PON3: variants seen among roughly 807,000 people sequenced by gnomAD.
PON3 encodes the protein paraoxonase 3.
PON3 carries 37 observed loss-of-function variants against 36.3 expected under a neutral mutation model. The ratio of observed to expected loss-of-function variants is 1.02; its 90% CI spans 0.78 to 1.34. The LOEUF (loss-of-function observed/expected upper bound fraction) is 1.34. PON3 is among the 40% of genes most tolerant of loss of function. The pLI, the probability that PON3 is intolerant of heterozygous loss-of-function variation, is 0.00. For synonymous variants in PON3, 155 were observed against 154.8 expected, an observed-to-expected ratio of 1.00 and a Z score of -0.01; for missense variants, 415 against 426.5, an observed-to-expected ratio of 0.97 and a Z score of 0.24.
At chr7:95,385,964 G>A (rs1161235709) in intron 3 of PON3, among the ~76,000 whole-genome samples, 1 of 152,164 alleles carries the variant, frequency 6.6e-6, no homozygotes, top group Non-Finnish European at 1.5e-5. Flanking sequence ...GAGGAAGCAG[G>A]AAAGATCTAA....
chr7:95,371,111 T>C (rs1043109950), intron 4 of PON3, among the ~76,000 whole-genome samples: 3 of 152,218 alleles, frequency 2.0e-5, no homozygotes, highest in African/African-American at 7.2e-5. Context: ...ATCCATATTA[T>C]AGCATGCATG....
intron 5 of PON3, among the ~76,000 whole-genome samples, chr7:95,366,851 T>A (rs17885614): frequency 0.028 from 4,254 of 152,368 alleles, 113 homozygotes; most frequent in African/African-American, 0.068. Flanking sequence ...AAATTAAGTA[T>A]TCTGGCATAG....
chr7:95,376,935 G>A (rs904342683), intron 3 of PON3, among the ~76,000 whole-genome samples: 1 of 152,194 alleles, frequency 6.6e-6, no homozygotes, highest in African/African-American at 2.4e-5. Flanking sequence ...AGCCAAAGTG[G>A]GGCAGGGCGT....
chr7:95,366,367 T>A (rs770639378), intron 5 of PON3, among the ~76,000 whole-genome samples: 1 of 152,218 alleles, frequency 6.6e-6, no homozygotes, highest in Non-Finnish European at 1.5e-5. Context: ...CAGAACCCCA[T>A]ACGGTGCATT....
At chr7:95,377,874 C>A (rs940330484) in intron 3 of PON3, among the ~76,000 whole-genome samples, 4 of 152,004 alleles carry the variant, frequency 2.6e-5, no homozygotes, top group Admixed American at 6.6e-5. Context: ...CAGCTCCTTG[C>A]CAGCAAAGAA....
At chr7:95,382,370 G>A (rs557838010) in intron 3 of PON3, among the ~76,000 whole-genome samples, 1 of 151,898 alleles carries the variant, frequency 6.6e-6, no homozygotes, top group Admixed American at 6.6e-5. Flanking sequence ...AACTGAAGGA[G>A]ATAGAGACAC....
In PON3 at chr7:95,384,977, G is replaced by C. The variant is rs569195676; in HGVS notation, c.201+5177C>G. On this transcript the variant is annotated intron_variant, in intron 3 of 8. Coordinates refer to ENST00000265627, the MANE Select transcript of PON3 (RefSeq NM_000940.3). ...CCAAATGTCCAACAATGATAGACTGGATTAAGAAAATGTGGCACATATACA... is the reference window on the plus strand; with the variant it reads ...CCAAATGTCCAACAATGATAGACTGCATTAAGAAAATGTGGCACATATACA... 1.3e-3 allele frequency among the ~76,000 whole-genome samples: 195 copies of C among 152,270 alleles called. 2 individuals are homozygous for C. The highest frequency in any genetic ancestry group is 4.4e-3 in the African/African-American group (182 of 41,558).
At chr7:95,389,616 G>T (rs912369017) in intron 3 of PON3, among the ~76,000 whole-genome samples, 8 of 152,142 alleles carry the variant, frequency 5.3e-5, no homozygotes, top group Admixed American at 1.3e-4. Context: ...ACAGTACTGG[G>T]AATTAAAATG....
intron 2 of PON3, among the ~76,000 whole-genome samples, chr7:95,393,980 G>A (rs1585736591): frequency 6.6e-6 from 1 of 152,038 alleles, no homozygotes; most frequent in Admixed American, 6.5e-5. Flanking sequence ...TGCAACCTCC[G>A]ATGACTCCCT....
At chr7:95,379,981 G>A (rs1440356350) in intron 3 of PON3, among the ~76,000 whole-genome samples, 5 of 152,136 alleles carry the variant, frequency 3.3e-5, no homozygotes, top group Non-Finnish European at 7.4e-5. Context: ...ACCTCACATG[G>A]CCAGGTACCC....
At chr7:95,385,882 A>T (rs1011912235) in intron 3 of PON3, among the ~76,000 whole-genome samples, 1 of 152,216 alleles carries the variant, frequency 6.6e-6, no homozygotes, top group African/African-American at 2.4e-5. Flanking sequence ...TCAAAGACAC[A>T]ATGTACCAGA....
At chr7:95,370,746 T>C (rs1024791353) in intron 4 of PON3, among the ~76,000 whole-genome samples, 9 of 152,230 alleles carry the variant, frequency 5.9e-5, no homozygotes, top group Admixed American at 1.3e-4. Flanking sequence ...TTGGAAACTA[T>C]TGTTTTTAAA....
Position 95,360,081 on chromosome 7 carries a change from C to T in PON3, c.957G>A (p.Val319=), listed in dbSNP as rs375905978. Residue 319 remains valine (V), a synonymous_variant, in exon 9 of 9, where the codon GTG becomes GTA. Coordinates refer to ENST00000265627, the MANE Select transcript of PON3 (RefSeq NM_000940.3). ...GAAGCACAGAGCCATTGTTGGCATA[C>T]ACGGTGCTCACCCTGGGCTTCTCAG... ...VLSEKPRVST[V]YANNGSVLQG... is the part of the protein sequence containing the mutation. 4.3e-6 allele frequency: 7 copies of T among 1,613,396 alleles called. No homozygotes were observed. Among genetic ancestry groups the T allele is most frequent in the African/African-American group, 2.7e-5 (2 of 74,822 alleles).
chr7:95,380,547 T>C (rs980201710), intron 3 of PON3, among the ~76,000 whole-genome samples: 3 of 152,110 alleles, frequency 2.0e-5, no homozygotes, highest in Non-Finnish European at 4.4e-5. Context: ...GAGAACTACG[T>C]GATGAATGCA....
At chr7:95,390,379 C>G (rs767981740) in intron 2 of PON3, among the ~76,000 whole-genome samples, 170 bp from the exon 3 acceptor site, 23 of 152,180 alleles carry the variant, frequency 1.5e-4, no homozygotes, top group Non-Finnish European at 2.6e-4. Context: ...AGGCATGCTA[C>G]TCTATAGTAA....
At chr7:95,395,202 GACTT>G (rs1286000865) in intron 1 of PON3, among the ~76,000 whole-genome samples, 1 of 151,930 alleles carries the variant, frequency 6.6e-6, no homozygotes, top group African/African-American at 2.4e-5. Context: ...ATTTTATGCT[GACTT>G]ACTCCGCAAG....
At chr7:95,390,479 T>A (rs1014911410) in intron 2 of PON3, among the ~76,000 whole-genome samples, 1 of 152,166 alleles carries the variant, frequency 6.6e-6, no homozygotes, top group Admixed American at 6.5e-5. Context: ...TAAACTCATA[T>A]CCTAGATTTA....
intron 3 of PON3, among the ~76,000 whole-genome samples, chr7:95,389,822 G>A (rs752840902): frequency 2.0e-5 from 3 of 152,202 alleles, no homozygotes; most frequent in Non-Finnish European, 4.4e-5. Context: ...CGGAAGCCCA[G>A]TCAAATAGGG....
intron 5 of PON3, chr7:95,365,857 A>G (rs984921312): frequency 6.6e-6 from 1 of 152,126 alleles, no homozygotes; most frequent in African/African-American, 2.4e-5. Flanking sequence ...TTCACATAGC[A>G]TTCTCCCTGT....
Sources: gnomAD v4.1 joint callset for allele counts (sites outside exome capture counted in the v4.1 genomes callset) on GRCh38, gnomAD v4.1.1 for gene constraint, MANE v1.5 for transcripts, NCBI Gene and HGNC (gene_info 2026-07-23, HGNC 2026-07-21) for gene names.